The following NHS variants were observed in gnomAD, a reference collection of about 807,000 sequenced individuals.
The protein encoded by NHS is NHS actin remodeling regulator, also known as actin remodeling regulator NHS.
In NHS, 5 loss-of-function variants were observed where a neutral mutation model predicts 72.5. The observed-to-expected ratio is 0.07, with a 90% CI of 0.04 to 0.14. NHS has a LOEUF of 0.14. NHS is among the 10% of genes least tolerant of loss of function. The pLI is 1.00. For missense variants in NHS, 1,072 were observed against 1,355.7 expected, an observed-to-expected ratio of 0.79 and a Z score of 3.29; for synonymous variants, 464 against 547.7, an observed-to-expected ratio of 0.85 and a Z score of 2.13.
chrX:17,725,551 A>G lies in NHS; in HGVS notation c.1445A>G (p.Asn482Ser), dbSNP rs748179853. ...IAASLSHSAG[N>S]ISALADKGDT... ...GCTTCCCTTTCTCATTCTGCTGGCA[A>G]CATTTCTGCCCTAGCAGACAAAGGT... The change falls in exon 7 of 9, where the codon AAC becomes AGC. Residue 482 changes from asparagine to serine, a missense_variant. Coordinates refer to ENST00000676302, the MANE Select transcript of NHS (RefSeq NM_001291867.2). 8.3e-7 allele frequency: 1 copy of G among 1,209,919 alleles called. No individual in the cohort carries two copies. Among genetic ancestry groups the G allele is most frequent in the East Asian group, 3.0e-5 (1 of 33,753 alleles).
intron 1 of NHS, among the ~76,000 whole-genome samples, chrX:17,670,337 A>G (rs1181938983): frequency 8.9e-6 from 1 of 112,739 alleles, no homozygotes; most frequent in Non-Finnish European, 1.9e-5. Context: ...GAGATTCCCA[A>G]GTTGTGTTTA....
chrX:17,503,562 AT>A (rs1471304681), intron 1 of NHS, among the ~76,000 whole-genome samples: 2 of 111,678 alleles, frequency 1.8e-5, no homozygotes, highest in African/African-American at 6.5e-5. Context: ...GTCCTGTAAA[AT>A]GCTGGGGTTT....
intron 1 of NHS, among the ~76,000 whole-genome samples, chrX:17,427,086 C>T (rs2064661034): frequency 2.7e-5 from 3 of 112,273 alleles, no homozygotes; most frequent in Middle Eastern, 9.1e-3. Context: ...TTTCCCATCT[C>T]TCTGACATGG....
intron 1 of NHS, among the ~76,000 whole-genome samples, chrX:17,424,062 A>G (rs1312572817): frequency 8.9e-6 from 1 of 112,593 alleles, no homozygotes; most frequent in Non-Finnish European, 1.9e-5. Flanking sequence ...GTGGTTATCC[A>G]AGGTGATCCT....
chrX:17,452,640 G>C (rs972439939), intron 1 of NHS, among the ~76,000 whole-genome samples: 3 of 111,535 alleles, frequency 2.7e-5, no homozygotes, highest in Middle Eastern at 4.6e-3. Context: ...TTCTCCAGGA[G>C]AGCATGAGAG....
chrX:17,527,886 G>A (rs1407686318), intron 1 of NHS, among the ~76,000 whole-genome samples: 2 of 93,423 alleles, frequency 2.1e-5, no homozygotes, highest in South Asian at 6.1e-4. Context: ...CCATAATCAC[G>A]CCGAGTCTGT....
intron 1 of NHS, among the ~76,000 whole-genome samples, chrX:17,599,750 C>T (rs1286189898): frequency 9.0e-6 from 1 of 111,361 alleles, no homozygotes; most frequent in African/African-American, 3.3e-5. Flanking sequence ...CATTATTTAA[C>T]GGGATGGGTT....
At chrX:17,533,729 C>T (rs2065210005) in intron 1 of NHS, among the ~76,000 whole-genome samples, 1 of 112,131 alleles carries the variant, frequency 8.9e-6, no homozygotes, top group South Asian at 3.7e-4. Context: ...ACTGAGTTTG[C>T]TTCCTGACAC....
intron 3 of NHS, among the ~76,000 whole-genome samples, chrX:17,718,411 A>AAAGGAAGGAGAGAAGGAAGAAAGG (rs1274971227): frequency 2.2e-5 from 2 of 89,948 alleles, no homozygotes; most frequent in South Asian, 5.9e-4. Flanking sequence ...AGGGAAGGAA[A>AAAGGAAGGAGAGAAGGAAGAAAGG]AAGGAAGGAG....
At chrX:17,545,776 G>C (rs1449057916) in intron 1 of NHS, among the ~76,000 whole-genome samples, 2 of 112,017 alleles carry the variant, frequency 1.8e-5, no homozygotes, top group Non-Finnish European at 3.8e-5. Flanking sequence ...AGTCCAAGCG[G>C]AGGTCACTGT....
intron 1 of NHS, among the ~76,000 whole-genome samples, chrX:17,399,900 G>T (rs1393385272): frequency 2.7e-5 from 3 of 111,795 alleles, no homozygotes; most frequent in Non-Finnish European, 5.6e-5. Context: ...AACAAACTAG[G>T]AGTAGAAGGG....
At position 17,732,545 on chromosome X, in the gene NHS, A is replaced by ACC; in HGVS notation, c.*81_*82insCC. 1 of 1,183,355 alleles carries ACC rather than the reference A, an allele frequency of 8.5e-7. No homozygotes were observed. Among genetic ancestry groups the ACC allele is most frequent in the South Asian group, 1.8e-5 (1 of 55,958 alleles). On this transcript the variant is annotated 3_prime_UTR_variant, in exon 9 of 9. Coordinates refer to ENST00000676302, the MANE Select transcript of NHS (RefSeq NM_001291867.2). ...GAGGAACAGAACAGAGGACTTGGGAAAAGTCTCAACTTGATGGGGTAGCAT... is the reference window on the plus strand; with the variant it reads ...GAGGAACAGAACAGAGGACTTGGGAACCAAGTCTCAACTTGATGGGGTAGCAT...
At chrX:17,721,665 G>A (rs1323982522) in intron 5 of NHS, 32 bp downstream of exon 5, 12 of 1,134,784 alleles carry the variant, frequency 1.1e-5, no homozygotes, top group East Asian at 6.0e-5. Flanking sequence ...AGGGGCAGTC[G>A]GGTCAGAATA....
At position 17,448,197 on chromosome X, in the gene NHS, A is replaced by G. The variant is rs1266667897; in HGVS notation, c.565+71875A>G. 2.7e-5 allele frequency among the ~76,000 whole-genome samples: 3 copies of G among 112,236 alleles called. No individual in the cohort carries two copies. In the Admixed American group the frequency reaches 2.8e-4, roughly 11 times the overall value. On this transcript the variant is annotated intron_variant, in intron 1 of 8. Transcript: ENST00000676302. Reference sequence around the variant, plus strand: ...GGGAAAGTTCCTTACTTATGATCACAGCATCTCTGAAAACTTTCACTGCTG... The same window carrying G: ...GGGAAAGTTCCTTACTTATGATCACGGCATCTCTGAAAACTTTCACTGCTG...
chrX:17,547,883 G>T (rs1021242148), intron 1 of NHS, among the ~76,000 whole-genome samples: 2 of 112,091 alleles, frequency 1.8e-5, no homozygotes, highest in African/African-American at 3.2e-5. Flanking sequence ...AGCTGCAGCA[G>T]CTGCATTGTT....
chrX:17,478,517 G>A (rs2064931371), intron 1 of NHS, among the ~76,000 whole-genome samples: 1 of 111,821 alleles, frequency 8.9e-6, no homozygotes, highest in African/African-American at 3.3e-5. Context: ...TTTTACTAGT[G>A]TAGTTTATGG....
At chrX:17,523,509 C>T (rs2065159496) in intron 1 of NHS, among the ~76,000 whole-genome samples, 1 of 111,805 alleles carries the variant, frequency 8.9e-6, no homozygotes, top group Non-Finnish European at 1.9e-5. Flanking sequence ...ATGAGGAAAC[C>T]GAGGCATAGA....
intron 1 of NHS, among the ~76,000 whole-genome samples, chrX:17,678,293 T>TGAGAGA (rs756746897): frequency 1.4e-4 from 14 of 101,868 alleles, no homozygotes; most frequent in African/African-American, 4.4e-4. Flanking sequence ...TGTGTGTGTG[T>TGAGAGA]GAGAGAGAGA....
intron 1 of NHS, among the ~76,000 whole-genome samples, chrX:17,556,859 C>T (rs1168153853): frequency 9.0e-6 from 1 of 110,604 alleles, no homozygotes; most frequent in East Asian, 2.8e-4. Context: ...TTGGCAATTT[C>T]ATATGACTTA....
Sources: allele counts gnomAD v4.1 joint callset (sites outside exome capture counted in the v4.1 genomes callset), GRCh38; gene constraint gnomAD v4.1.1; transcripts MANE v1.5; gene names NCBI Gene and HGNC (gene_info 2026-07-23, HGNC 2026-07-21).